The following RIMBP2 variants were observed in gnomAD, a reference collection of about 807,000 sequenced individuals.
The protein encoded by RIMBP2 is RIMS binding protein 2, also known as RIMS-binding protein 2.
Under a neutral mutation model 118.6 loss-of-function variants are expected in RIMBP2, and 48 were observed. The ratio of observed to expected loss-of-function variants is 0.40; its 90% CI spans 0.32 to 0.51. The LOEUF (loss-of-function observed/expected upper bound fraction) is 0.51. Among genes scored for constraint, RIMBP2 ranks in the 20% least tolerant of loss-of-function variants. The probability of loss-of-function intolerance (pLI) is 0.41; values close to 1 mark genes in which losing one functional copy is unlikely to be tolerated. For synonymous variants in RIMBP2, 762 were observed against 742.9 expected, an observed-to-expected ratio of 1.03 and a Z score of -0.42; for missense variants, 1,551 against 1,768.3, an observed-to-expected ratio of 0.88 and a Z score of 2.20.
chr12:130,566,888 A>T (rs555651061), intron 2 of RIMBP2, among the ~76,000 whole-genome samples: 1 of 152,238 alleles, frequency 6.6e-6, no homozygotes, highest in East Asian at 1.9e-4. Flanking sequence ...GGGCTGCATT[A>T]AGGGATTATC....
At chr12:130,658,272 A>C (rs2063510901) in intron 1 of RIMBP2, 2 of 152,208 alleles carry the variant, frequency 1.3e-5, no homozygotes, top group Non-Finnish European at 2.9e-5. Flanking sequence ...AGCAAATACT[A>C]ACACACACCG....
intron 14 of RIMBP2, chr12:130,430,490 A>T (rs1417407578): frequency 6.6e-6 from 1 of 152,208 alleles, no homozygotes; most frequent in Non-Finnish European, 1.5e-5. Context: ...TAAAAATCAC[A>T]AATTCCTCTT....
In RIMBP2 at chr12:130,447,987, C is replaced by G. The variant is rs1056992502; in HGVS notation, c.581+2213G>C. Among the ~76,000 whole-genome samples, 3 of 152,040 alleles carry G rather than the reference C, an allele frequency of 2.0e-5. No homozygotes were observed. The highest frequency in any genetic ancestry group is 4.4e-5 in the Non-Finnish European group (3 of 67,998). ...AGACCCGGGGCAGAAAACATAACCC[C>G]CTCCCTACATCTACCTGCAAAGCCA... On this transcript the variant is annotated intron_variant, in intron 9 of 22. Coordinates refer to ENST00000690449, the MANE Select transcript of RIMBP2 (RefSeq NM_001393629.1). The surrounding 1 kb of genome is among the most constrained non-coding windows in gnomAD (Gnocchi z 4.4).
chr12:130,532,824 T>A (rs1459522123), intron 2 of RIMBP2, among the ~76,000 whole-genome samples: 2 of 147,012 alleles, frequency 1.4e-5, no homozygotes, highest in African/African-American at 5.1e-5. Flanking sequence ...CTCTAGGAGT[T>A]ACGTCTAATG....
In RIMBP2 at chr12:130,434,643, G is replaced by A. The variant is rs1472573145; in HGVS notation, c.2253+91C>T. 18 of 1,366,550 alleles carry A rather than the reference G, an allele frequency of 1.3e-5. No homozygotes were observed. Among genetic ancestry groups the A allele is most frequent in the African/African-American group, 2.9e-5 (2 of 67,846 alleles). The allele number at this position is 1,366,550 out of a possible 1,614,324, so 84.7% of individuals were successfully genotyped here. On this transcript the variant is annotated intron_variant, in intron 14 of 22. Transcript: ENST00000690449. The surrounding 1 kb of genome is among the most constrained non-coding windows in gnomAD (Gnocchi z 5.7). Reference sequence around the variant, plus strand: ...TCTCTCTCAGGGACCCAAGGGTAGCGGGGAAAGTGCCCATGTCTCTTGATC... The same window carrying A: ...TCTCTCTCAGGGACCCAAGGGTAGCAGGGAAAGTGCCCATGTCTCTTGATC...
rs1341703505 is a variant in RIMBP2, at chr12:130,688,621, A to G, written c.-352+27601T>C. ...GAGCACAGCCGGCGGGCATTCTCCC[A>G]GCCCTGCAGCAGGAGGGTGTGCTGG... On this transcript the variant is annotated intron_variant, in intron 1 of 22. Coordinates refer to ENST00000690449, the MANE Select transcript of RIMBP2 (RefSeq NM_001393629.1). This position sits in a 1 kb window ranked among gnomAD's most constrained non-coding sequence, Gnocchi z 4.7. Among the ~76,000 whole-genome samples, 3 of 151,196 alleles carry G rather than the reference A, an allele frequency of 2.0e-5. No homozygotes were observed. Among genetic ancestry groups the G allele is most frequent in the African/African-American group, 7.4e-5 (3 of 40,732 alleles).
At chr12:130,414,608 G>GGCA in intron 17 of RIMBP2, 1 of 245,572 alleles carries the variant, frequency 4.1e-6, no homozygotes, top group Non-Finnish European at 7.9e-6. Context: ...CCGTGCCAGG[G>GGCA]GCAGGATGGC....
Position 130,621,656 on chromosome 12 carries a change from A to T in RIMBP2, c.-217+6666T>A, listed in dbSNP as rs2061320601. ...GCAGCCTCATTTATGTGTCCTGCAG[A>T]ACAAAAGGAGCAAGTAAATGACATC... On this transcript the variant is annotated intron_variant, in intron 2 of 22. Coordinates refer to ENST00000690449, the MANE Select transcript of RIMBP2 (RefSeq NM_001393629.1). The surrounding 1 kb of genome is among the most constrained non-coding windows in gnomAD (Gnocchi z 6.6). Among the ~76,000 whole-genome samples the T allele has an allele frequency of 6.6e-6, 1 of 152,208 alleles. No homozygotes were observed. Among genetic ancestry groups the T allele is most frequent in the South Asian group, 2.1e-4 (1 of 4,828 alleles).
rs890861575 is a variant in RIMBP2 at position 130,424,979 on chromosome 12, A to T, written c.2413-121T>A. The T allele has an allele frequency of 2.4e-5, 12 of 498,044 alleles. No homozygotes were observed. Among genetic ancestry groups the T allele is most frequent in the Non-Finnish European group, 3.1e-5 (10 of 320,636 alleles). 30.9% of individuals were successfully genotyped at this position (498,044 alleles called of 1,614,324 possible). A position where few individuals can be genotyped will look rare whatever the true frequency, so the allele number is the denominator to read the frequency against. ...GTCCTGGAGGCACCGAGGGGGGGGA[A>T]GCATGCGTCTACTCAGGCCGGGGGC... On this transcript the variant is annotated intron_variant, in intron 15 of 22. Transcript: ENST00000690449. The surrounding 1 kb of genome is among the most constrained non-coding windows in gnomAD (Gnocchi z 9.8).
chr12:130,477,941 G>C (rs1482035168), intron 5 of RIMBP2, among the ~76,000 whole-genome samples: 1 of 152,208 alleles, frequency 6.6e-6, no homozygotes. Flanking sequence ...GCAGGGCTGG[G>C]TGGGGACACT....
intron 9 of RIMBP2, among the ~76,000 whole-genome samples, chr12:130,445,864 T>C (rs2078475986): frequency 6.6e-6 from 1 of 152,234 alleles, no homozygotes; most frequent in African/African-American, 2.4e-5. Context: ...TATTGCATTA[T>C]ATATTCTTAT....
chr12:130,425,096 C>T, intron 15 of RIMBP2: 2 of 376,212 alleles, frequency 5.3e-6, no homozygotes, highest in South Asian at 1.5e-4. Context: ...AGCCAGCGGG[C>T]CGGGCAGGAG....
At chr12:130,590,846 A>C (rs954328234) in intron 2 of RIMBP2, among the ~76,000 whole-genome samples, 1 of 152,122 alleles carries the variant, frequency 6.6e-6, no homozygotes, top group South Asian at 2.1e-4. Flanking sequence ...CCTCACCCCC[A>C]AGGTGTCACC....
chr12:130,594,655 G>A (rs542923638), intron 2 of RIMBP2, among the ~76,000 whole-genome samples: 1 of 152,284 alleles, frequency 6.6e-6, no homozygotes, highest in Admixed American at 6.5e-5. Context: ...TGTGGCCCAT[G>A]GGTAATGGGT....
At position 130,419,356 on chromosome 12, in the gene RIMBP2, A is replaced by T. The variant is rs1458442875; in HGVS notation, c.3238+3097T>A. Among the ~76,000 whole-genome samples the T allele has an allele frequency of 6.6e-6, 1 of 152,194 alleles. No homozygotes were observed. Among genetic ancestry groups the T allele is most frequent in the African/African-American group, 2.4e-5 (1 of 41,444 alleles). ...CATATCGTGTGGGAGATCAGGGCTC[A>T]TGCCTGGACGCCTGGGTGGGCTCCC... On this transcript the variant is annotated intron_variant, in intron 17 of 22. Transcript: ENST00000690449. The surrounding 1 kb of genome is among the most constrained non-coding windows in gnomAD (Gnocchi z 4.3).
chr12:130,572,783 C>T (rs915181203), intron 2 of RIMBP2, among the ~76,000 whole-genome samples: 1 of 151,954 alleles, frequency 6.6e-6, no homozygotes, highest in African/African-American at 2.4e-5. Flanking sequence ...ACAGCCAGCG[C>T]GTGTGCAGCA....
Position 130,451,263 on chromosome 12 carries a change from C to G in RIMBP2, c.436G>C (p.Glu146Gln), listed in dbSNP as rs1048643626. The G allele has an allele frequency of 6.2e-7, 1 of 1,614,092 alleles. No individual in the cohort carries two copies. Among genetic ancestry groups the G allele is most frequent in the African/African-American group, 1.3e-5 (1 of 74,944 alleles). The change falls in exon 8 of 23, where the codon GAG becomes CAG. Residue 146 changes from glutamate to glutamine, a missense_variant. Coordinates refer to ENST00000690449, the MANE Select transcript of RIMBP2 (RefSeq NM_001393629.1). ...RPLPQPGDRP[E>Q]PLSAKPTFLS... The stretch of plus-strand genomic sequence containing the variant: ...AAGGTGGGCTTGGCGGACAGAGGCT[C>G]CGGCCTGTCACCAGGCTGCGGAAGG...
In RIMBP2 at chr12:130,558,229, T is replaced by C. The variant is rs568746025; in HGVS notation, c.-216-40312A>G. Among the ~76,000 whole-genome samples the C allele has an allele frequency of 1.1e-3, 168 of 152,272 alleles. 1 individual carries two copies. Among genetic ancestry groups the C allele is most frequent in the Non-Finnish European group, 1.9e-3 (128 of 68,010 alleles). ...TTTTAGCTGACAGCATCCACTCAAGTTCTCCCCTCATTGTCTCACGGAGAA... is the reference window on the plus strand; with the variant it reads ...TTTTAGCTGACAGCATCCACTCAAGCTCTCCCCTCATTGTCTCACGGAGAA... On this transcript the variant is annotated intron_variant, in intron 2 of 22. Coordinates refer to ENST00000690449, the MANE Select transcript of RIMBP2 (RefSeq NM_001393629.1).
intron 4 of RIMBP2, among the ~76,000 whole-genome samples, chr12:130,502,259 G>A (rs1019348470): frequency 7.9e-5 from 12 of 152,158 alleles, no homozygotes; most frequent in African/African-American, 2.9e-4. Flanking sequence ...AGAGGTTTGG[G>A]AGCAATGATG....
Sources: allele counts gnomAD v4.1 joint callset (sites outside exome capture counted in the v4.1 genomes callset), GRCh38; gene constraint gnomAD v4.1.1; non-coding constraint Gnocchi (gnomAD v3.1); transcripts MANE v1.5; gene names NCBI Gene and HGNC (gene_info 2026-07-23, HGNC 2026-07-21).